Variants in PDHX observed in about 807,000 individuals in gnomAD.
The protein encoded by PDHX is pyruvate dehydrogenase protein X component, mitochondrial.
A neutral mutation model predicts 55.3 loss-of-function variants in PDHX; 33 were observed. That is an observed-to-expected ratio of 0.60 (90% CI 0.45 to 0.80). The LOEUF (loss-of-function observed/expected upper bound fraction) is 0.80, where lower values mean the gene tolerates loss of function less well. Among genes scored for constraint, PDHX ranks in the 30% least tolerant of loss-of-function variants. The pLI, the probability that PDHX is intolerant of heterozygous loss-of-function variation, is 0.00. For missense variants in PDHX, 622 were observed against 619.9 expected (o/e 1.00, Z -0.04); for synonymous variants, 226 against 219.4 (o/e 1.03, Z -0.27).
At chr11:34,916,143 G>A (rs1772144735), upstream of PDHX, 6 of 1,527,034 alleles carry the variant, frequency 3.9e-6, no homozygotes, top group East Asian at 7.4e-5. Context: ...CGCCCGGCCC[G>A]CTACCCTGCG....
At chr11:34,973,110 GAAGATCTATTATT>G (rs1855291315) in intron 7 of PDHX, among the ~76,000 whole-genome samples, 1 of 152,048 alleles carries the variant, frequency 6.6e-6, no homozygotes, top group Non-Finnish European at 1.5e-5. Context: ...CATGTATCCT[GAAGATCTATTATT>G]GGCCACATAC....
In PDHX at chr11:34,995,317, G is replaced by T. The variant is rs1855838448; in HGVS notation, c.*145G>T. Reference sequence around the variant, plus strand: ...TTAAGGTGAAAGCATTTGACCCAGGGTGTCTTCATCTTCAATTTGGGTTTA... The same window carrying T: ...TTAAGGTGAAAGCATTTGACCCAGGTTGTCTTCATCTTCAATTTGGGTTTA... On this transcript the variant is annotated 3_prime_UTR_variant, in exon 11 of 11. Transcript: ENST00000227868. 3.5e-6 allele frequency: 3 copies of T among 862,018 alleles called. No individual in the cohort carries two copies. The South Asian group carries it at 4.3e-5, about 12-fold the overall frequency. 53.4% of individuals were successfully genotyped at this position (862,018 alleles called of 1,614,324 possible). A position where few individuals can be genotyped will look rare whatever the true frequency, so the allele number is the denominator to read the frequency against.
At chr11:34,952,111 C>T (rs1008293602) in intron 3 of PDHX, among the ~76,000 whole-genome samples, 6 of 151,976 alleles carry the variant, frequency 3.9e-5, no homozygotes, top group Admixed American at 2.0e-4. Flanking sequence ...ATAAATTCCT[C>T]GACACATACA....
At chr11:34,994,851 T>G in intron 10 of PDHX, 63 bp from the exon 11 acceptor site, 1 of 1,588,434 alleles carries the variant, frequency 6.3e-7, no homozygotes, top group Non-Finnish European at 8.6e-7. Flanking sequence ...AAATATGTGC[T>G]TCACGGAAAG....
chr11:34,968,044 A>C (rs1401997082), intron 6 of PDHX, among the ~76,000 whole-genome samples: 2 of 152,074 alleles, frequency 1.3e-5, no homozygotes, highest in Non-Finnish European at 2.9e-5. Flanking sequence ...CTGAGGTGGG[A>C]GGATTGCCTG....
intron 9 of PDHX, 82 bp from the exon 10 acceptor site, chr11:34,992,233 T>G: frequency 1.3e-6 from 1 of 778,956 alleles, no homozygotes. Context: ...GATGAGAGTA[T>G]ATGATGTACA....
At chr11:34,965,429 G>A (rs1204283112) in intron 5 of PDHX, among the ~76,000 whole-genome samples, 2 of 152,130 alleles carry the variant, frequency 1.3e-5, no homozygotes, top group Non-Finnish European at 2.9e-5. Flanking sequence ...TTCCAGGAAG[G>A]CCTAATTTCT....
intron 3 of PDHX, among the ~76,000 whole-genome samples, chr11:34,954,970 A>G (rs931827183): frequency 6.6e-6 from 1 of 152,198 alleles, no homozygotes; most frequent in African/African-American, 2.4e-5. Context: ...AGGGAAGGCT[A>G]ATATTTGAAA....
intron 6 of PDHX, among the ~76,000 whole-genome samples, chr11:34,968,917 A>G (rs2133982767): frequency 6.6e-6 from 1 of 152,276 alleles, no homozygotes. Flanking sequence ...TGGATGTTCC[A>G]TGTGTACTTG....
chr11:34,935,576 A>C (rs1854289371), intron 2 of PDHX, among the ~76,000 whole-genome samples: 1 of 151,990 alleles, frequency 6.6e-6, no homozygotes, highest in African/African-American at 2.4e-5. Flanking sequence ...CTCTTTTAGC[A>C]CCCTATGTAG....
chr11:34,965,594 A>G (rs777755636), intron 5 of PDHX, among the ~76,000 whole-genome samples: 3 of 152,108 alleles, frequency 2.0e-5, no homozygotes, highest in Non-Finnish European at 4.4e-5. Flanking sequence ...CATCATATTC[A>G]CAGGCCAGAT....
Position 34,957,539 on chromosome 11 carries a change from G to A in PDHX, c.498G>A (p.Gln166=), listed in dbSNP as rs781780010. Residue 166 remains glutamine (Q), a synonymous_variant, in exon 4 of 11, where the codon CAG becomes CAA. Transcript: ENST00000227868. ...PSEPRPSPEP[Q]ISIPVKKEHI... ...AGCCTCGCCCCTCACCAGAACCACA[G>A]ATTTCCATCCCTGTCAAGAAGGAAC... 6.2e-7 allele frequency: 1 copy of A among 1,613,902 alleles called. No individual in the cohort carries two copies. The highest frequency in any genetic ancestry group is 1.1e-5 in the South Asian group (1 of 91,074).
intron 8 of PDHX, 90 bp downstream of exon 8, chr11:34,978,272 A>G (rs1241389517): frequency 1.3e-6 from 1 of 784,696 alleles, no homozygotes; most frequent in African/African-American, 1.7e-5. Context: ...TTATTTTTAA[A>G]TCACAAAAAT....
At chr11:34,947,338 C>A (rs923739598) in intron 2 of PDHX, among the ~76,000 whole-genome samples, 168 bp from the exon 3 acceptor site, 39 of 151,126 alleles carry the variant, frequency 2.6e-4, no homozygotes, top group African/African-American at 9.2e-4. Flanking sequence ...CATACACATA[C>A]ACACACACAC....
chr11:34,930,141 G>A (rs1238913064), intron 1 of PDHX, among the ~76,000 whole-genome samples: 1 of 152,230 alleles, frequency 6.6e-6, no homozygotes, highest in Non-Finnish European at 1.5e-5. Flanking sequence ...TGTCTAGCAC[G>A]TGGATGGAGG....
At chr11:34,932,656 A>C (rs1015729748) in intron 2 of PDHX, among the ~76,000 whole-genome samples, 2 of 152,226 alleles carry the variant, frequency 1.3e-5, no homozygotes, top group Non-Finnish European at 2.9e-5. Context: ...TAAATGGTGT[A>C]AATACTAGGG....
At chr11:34,916,172 G>T, upstream of PDHX, 3 of 1,574,040 alleles carry the variant, frequency 1.9e-6, no homozygotes, top group Non-Finnish European at 1.7e-6. Context: ...CAGCCGCCGG[G>T]TCCCGCCTGG....
chr11:34,923,429 G>A (rs1853944413), intron 1 of PDHX, among the ~76,000 whole-genome samples: 1 of 152,096 alleles, frequency 6.6e-6, no homozygotes, highest in South Asian at 2.1e-4. Flanking sequence ...AACTTCTTCA[G>A]GAAAGTGCAT....
intron 10 of PDHX, among the ~76,000 whole-genome samples, chr11:34,993,635 C>T (rs921663287): frequency 1.3e-5 from 2 of 151,964 alleles, no homozygotes; most frequent in African/African-American, 4.8e-5. Flanking sequence ...GCCTGTTTGT[C>T]TATCCTTTGT....
Sources: gnomAD v4.1 joint callset for allele counts (sites outside exome capture counted in the v4.1 genomes callset) on GRCh38, gnomAD v4.1.1 for gene constraint, MANE v1.5 for transcripts, NCBI Gene and HGNC (gene_info 2026-07-23, HGNC 2026-07-21) for gene names.